Variants in TXN2 observed in about 807,000 individuals in gnomAD.
TXN2 encodes the protein thioredoxin, mitochondrial.
TXN2 carries 12 observed loss-of-function variants against 14.6 expected under a neutral mutation model. The observed-to-expected ratio is 0.82, with a 90% CI of 0.53 to 1.33. The LOEUF is 1.33. TXN2 is among the 40% of genes most tolerant of loss of function. TXN2 has a pLI of 0.00. For missense variants in TXN2, 173 were observed against 207.7 expected, an observed-to-expected ratio of 0.83 and a Z score of 1.03; for synonymous variants, 89 against 81.0, an observed-to-expected ratio of 1.10 and a Z score of -0.53.
intron 2 of TXN2, among the ~76,000 whole-genome samples, chr22:36,477,669 G>A (rs1417489419): frequency 1.3e-5 from 2 of 152,182 alleles, no homozygotes; most frequent in Non-Finnish European, 2.9e-5. Context: ...ATGGCCTGGA[G>A]CGTCTACAAC....
At chr22:36,477,991 G>C (rs1489714447) in intron 2 of TXN2, among the ~76,000 whole-genome samples, 1 of 151,940 alleles carries the variant, frequency 6.6e-6, no homozygotes, top group Non-Finnish European at 1.5e-5. Flanking sequence ...ACAAAGATTA[G>C]CCAGGAGTGG....
intron 3 of TXN2, among the ~76,000 whole-genome samples, chr22:36,471,986 A>AG (rs1933288379): frequency 6.6e-6 from 1 of 152,010 alleles, no homozygotes; most frequent in East Asian, 1.9e-4. Flanking sequence ...AAAAAAAAAA[A>AG]AAGCTGGGAT....
At chr22:36,468,018 C>T in intron 3 of TXN2, 101 bp from the exon 4 acceptor site, 1 of 973,872 alleles carries the variant, frequency 1.0e-6, no homozygotes, top group Non-Finnish European at 1.6e-6. Context: ...TTATCCAGGG[C>T]ACTGACTTCC....
At chr22:36,473,123 A>G (rs1336178147) in intron 3 of TXN2, among the ~76,000 whole-genome samples, 2 of 152,182 alleles carry the variant, frequency 1.3e-5, no homozygotes, top group Admixed American at 1.3e-4. Context: ...TCTGGTCAAC[A>G]TGGTGAAACC....
At chr22:36,480,952 A>G in intron 1 of TXN2, 115 bp from the exon 2 acceptor site, 1 of 1,152,594 alleles carries the variant, frequency 8.7e-7, no homozygotes, top group Admixed American at 3.1e-5. Context: ...GCAAAATGCA[A>G]GGAAATCATA....
At chr22:36,473,636 C>G (rs930129851) in intron 3 of TXN2, among the ~76,000 whole-genome samples, 1 of 152,122 alleles carries the variant, frequency 6.6e-6, no homozygotes, top group African/African-American at 2.4e-5. Flanking sequence ...TGATGTCAGA[C>G]CAGGGTTTGG....
chr22:36,473,375 G>A (rs537010692), intron 3 of TXN2, among the ~76,000 whole-genome samples: 29 of 152,250 alleles, frequency 1.9e-4, no homozygotes, highest in African/African-American at 6.3e-4. Context: ...CCTGAGAAGC[G>A]GAGGTTGCAG....
At chr22:36,470,813 C>T (rs966318337) in intron 3 of TXN2, among the ~76,000 whole-genome samples, 1 of 151,236 alleles carries the variant, frequency 6.6e-6, no homozygotes, top group Non-Finnish European at 1.5e-5. Context: ...CAGATGAAGG[C>T]CATAATGATC....
chr22:36,473,738 G>A (rs1465926809), intron 3 of TXN2, among the ~76,000 whole-genome samples: 2 of 152,156 alleles, frequency 1.3e-5, no homozygotes, highest in Non-Finnish European at 1.5e-5. Flanking sequence ...TGGACAGGGC[G>A]GGAGCGGTGG....
chr22:36,475,962 CA>C (rs1933376830), intron 3 of TXN2, among the ~76,000 whole-genome samples: 1 of 152,212 alleles, frequency 6.6e-6, no homozygotes, highest in South Asian at 2.1e-4. Context: ...CACAAGCAAA[CA>C]GTCCCTTCTT....
chr22:36,479,606 A>G (rs1933457366), intron 2 of TXN2, among the ~76,000 whole-genome samples: 1 of 152,158 alleles, frequency 6.6e-6, no homozygotes, highest in African/African-American at 2.4e-5. Flanking sequence ...TGCTGGGATT[A>G]CAGGTGTGAG....
intron 3 of TXN2, among the ~76,000 whole-genome samples, chr22:36,475,369 ACT>A (rs1353010553): frequency 6.6e-6 from 1 of 151,834 alleles, no homozygotes; most frequent in Non-Finnish European, 1.5e-5. Flanking sequence ...CAAGAGCAAA[ACT>A]CTGTCTCGAA....
In TXN2 at chr22:36,467,469, G is replaced by A. The variant is rs987443920; in HGVS notation, c.*335C>T. On this transcript the variant is annotated 3_prime_UTR_variant, in exon 4 of 4. Transcript: ENST00000216185. ...GAGGTTTCAGATTGGAAGGGACCAA[G>A]ATGAGGACCAAGGTGTGGCTGCCTG... 3.9e-5 allele frequency: 11 copies of A among 281,348 alleles called. No homozygotes were observed. Among genetic ancestry groups the A allele is most frequent in the Non-Finnish European group, 5.5e-5 (8 of 145,994 alleles). 17.4% of individuals were successfully genotyped at this position (281,348 alleles called of 1,614,324 possible). A position where few individuals can be genotyped will look rare whatever the true frequency, so the allele number is the denominator to read the frequency against.
chr22:36,475,824 A>G (rs1297419408), intron 3 of TXN2, among the ~76,000 whole-genome samples: 2 of 152,110 alleles, frequency 1.3e-5, no homozygotes, highest in African/African-American at 4.8e-5. Context: ...CCAACCAACC[A>G]AGTGAGACGA....
At chr22:36,468,534 G>A (rs944882240) in intron 3 of TXN2, 22 of 334,566 alleles carry the variant, frequency 6.6e-5, no homozygotes, top group Non-Finnish European at 1.1e-4. Flanking sequence ...GACCAGCTTG[G>A]GCAATATAGT....
At chr22:36,473,758 G>A (rs552021040) in intron 3 of TXN2, among the ~76,000 whole-genome samples, 19 of 152,266 alleles carry the variant, frequency 1.2e-4, no homozygotes, top group Non-Finnish European at 2.5e-4. Context: ...GGTGTGGGGG[G>A]AGATTGAGAG....
intron 3 of TXN2, among the ~76,000 whole-genome samples, chr22:36,469,101 C>G (rs952252238): frequency 6.6e-6 from 1 of 152,156 alleles, no homozygotes; most frequent in African/African-American, 2.4e-5. Flanking sequence ...CAGGTTCTGG[C>G]GGACGCAATC....
intron 3 of TXN2, chr22:36,468,612 A>T (rs1933207690): frequency 1.1e-5 from 5 of 443,974 alleles, no homozygotes; most frequent in African/African-American, 6.1e-5. Flanking sequence ...CTGTACTCCC[A>T]TACTCGGGAG....
At chr22:36,474,045 C>T (rs1237999970) in intron 3 of TXN2, among the ~76,000 whole-genome samples, 1 of 152,214 alleles carries the variant, frequency 6.6e-6, no homozygotes, top group Admixed American at 6.5e-5. Flanking sequence ...ACATCTGAAG[C>T]CCACGCGTGA....
Sources: gnomAD v4.1 joint callset for allele counts (sites outside exome capture counted in the v4.1 genomes callset) on GRCh38, gnomAD v4.1.1 for gene constraint, MANE v1.5 for transcripts, NCBI Gene and HGNC (gene_info 2026-07-23, HGNC 2026-07-21) for gene names.